The following SYCP1 variants were observed in gnomAD, a reference collection of about 807,000 sequenced individuals.
The protein encoded by SYCP1 is cancer/testis antigen 8.
SYCP1 carries 64 observed loss-of-function variants against 153.1 expected under a neutral mutation model. The observed-to-expected ratio is 0.42, with a 90% CI of 0.34 to 0.51. The LOEUF (loss-of-function observed/expected upper bound fraction) is 0.51. SYCP1 is among the 20% of genes least tolerant of loss of function. The pLI, the probability that SYCP1 is intolerant of heterozygous loss-of-function variation, is 0.06. For synonymous variants in SYCP1, 384 were observed against 341.8 expected (o/e 1.12, Z -1.36); for missense variants, 997 against 1,049.0 (o/e 0.95, Z 0.68).
chr1:114,964,274 T>G (rs945544943), intron 27 of SYCP1, among the ~76,000 whole-genome samples: 1 of 152,110 alleles, frequency 6.6e-6, no homozygotes, highest in Non-Finnish European at 1.5e-5. Flanking sequence ...TGGATACTAG[T>G]CTTTTGTCAG....
intron 13 of SYCP1, 119 bp downstream of exon 13, chr1:114,885,748 C>A (rs752636713): frequency 3.2e-4 from 191 of 599,634 alleles, no homozygotes; most frequent in Non-Finnish European, 5.1e-4. Flanking sequence ...TTAGAGAAGA[C>A]ACAATCCTAG....
intron 12 of SYCP1, among the ~76,000 whole-genome samples, chr1:114,884,058 C>A (rs1666134260): frequency 6.6e-6 from 1 of 152,100 alleles, no homozygotes; most frequent in Admixed American, 6.6e-5. Context: ...GTAGTTTTTT[C>A]AGAATGGAAT....
At chr1:114,936,554 G>A (rs553290090) in intron 23 of SYCP1, among the ~76,000 whole-genome samples, 4 of 152,128 alleles carry the variant, frequency 2.6e-5, no homozygotes, top group Non-Finnish European at 5.9e-5. Context: ...TCTGGCCAGG[G>A]CAATCAGGCA....
At chr1:114,867,236 A>T (rs929032908) in intron 8 of SYCP1, among the ~76,000 whole-genome samples, 3 of 151,984 alleles carry the variant, frequency 2.0e-5, no homozygotes, top group African/African-American at 7.2e-5. Context: ...CGCTCTTCTG[A>T]GTCTTTTGCC....
chr1:114,920,376 T>TA (rs1262326052), intron 20 of SYCP1, among the ~76,000 whole-genome samples: 4 of 152,196 alleles, frequency 2.6e-5, no homozygotes, highest in Non-Finnish European at 5.9e-5. Context: ...TTAAATGTTT[T>TA]AAGACTTGTT....
At chr1:114,967,948 G>A (rs1672244074) in intron 27 of SYCP1, among the ~76,000 whole-genome samples, 1 of 152,112 alleles carries the variant, frequency 6.6e-6, no homozygotes, top group Non-Finnish European at 1.5e-5. Flanking sequence ...GGTTAGTTTG[G>A]CTGGATATGA....
intron 30 of SYCP1, among the ~76,000 whole-genome samples, chr1:114,987,207 A>G (rs1315244680): frequency 6.6e-6 from 1 of 152,080 alleles, no homozygotes; most frequent in African/African-American, 2.4e-5. Flanking sequence ...AGAGGCTTAA[A>G]AAAGACGGGA....
At chr1:114,931,420 TTTTA>T (rs1669623753) in intron 23 of SYCP1, among the ~76,000 whole-genome samples, 1 of 152,116 alleles carries the variant, frequency 6.6e-6, no homozygotes, top group African/African-American at 2.4e-5. Flanking sequence ...CAAAAATCAA[TTTTA>T]TTTCTATATG....
chr1:114,912,177 T>C (rs1403030648), intron 18 of SYCP1, among the ~76,000 whole-genome samples: 1 of 151,990 alleles, frequency 6.6e-6, no homozygotes, highest in Non-Finnish European at 1.5e-5. Context: ...TATCTAATTC[T>C]CTATTTCTGG....
chr1:114,918,351 TTC>T (rs1668644957), intron 20 of SYCP1, among the ~76,000 whole-genome samples: 1 of 152,026 alleles, frequency 6.6e-6, no homozygotes, highest in Non-Finnish European at 1.5e-5. Flanking sequence ...TGGTCTATAT[TTC>T]TGTTTTTATG....
chr1:114,856,921 CA>C (rs758650224), intron 3 of SYCP1, among the ~76,000 whole-genome samples: 1,139 of 37,246 alleles, frequency 0.031, 15 homozygotes, highest in African/African-American at 0.094. Flanking sequence ...CCTGTCTGTA[CA>C]AAAAAAAAAA....
Position 114,858,616 on chromosome 1 carries a change from G to A in SYCP1, c.361G>A (p.Val121Ile). The A allele has an allele frequency of 6.8e-6, 11 of 1,612,910 alleles. No homozygotes were observed. Among genetic ancestry groups the A allele is most frequent in the Non-Finnish European group, 9.3e-6 (11 of 1,179,288 alleles). The stretch of plus-strand genomic sequence containing the variant: ...GGCTGAAAAGATAAAAAAATGGAAA[G>A]TAAGTACAGAAGCTGAACTGAGACA... ...KEAEKIKKWKVSTEAELRQKE... is the reference protein window; with the variant it reads ...KEAEKIKKWKISTEAELRQKE... Residue 121 changes from valine to isoleucine, a missense_variant, in exon 6 of 32, where the codon GTA (valine) becomes ATA (isoleucine). Around this residue, in one of 2 missense-constraint regions of SYCP1, gnomAD observed 285 missense variants for 366.1 expected, o/e 0.78. Transcript: ENST00000369522.
At chr1:114,885,994 G>A (rs1666270478) in intron 13 of SYCP1, 131 bp from the exon 14 acceptor site, 1 of 577,612 alleles carries the variant, frequency 1.7e-6, no homozygotes, top group Non-Finnish European at 2.9e-6. Context: ...GCATTCCAGG[G>A]TAGGAAGGAG....
intron 30 of SYCP1, among the ~76,000 whole-genome samples, chr1:114,985,500 C>T (rs1165277438): frequency 6.6e-6 from 1 of 151,770 alleles, no homozygotes; most frequent in East Asian, 1.9e-4. Context: ...AAAAGGTGAA[C>T]CATACCAGAG....
At chr1:114,955,001 CA>C (rs1369410244) in intron 27 of SYCP1, among the ~76,000 whole-genome samples, 1 of 152,102 alleles carries the variant, frequency 6.6e-6, no homozygotes, top group Non-Finnish European at 1.5e-5. Flanking sequence ...GAAAAGCATT[CA>C]ATTTTTTAAC....
chr1:114,855,308 T>C (rs1051029284), intron 1 of SYCP1, 133 bp from the exon 2 acceptor site: 4 of 484,180 alleles, frequency 8.3e-6, no homozygotes, highest in African/African-American at 8.0e-5. Flanking sequence ...GGCTCCACTG[T>C]AGCGAGAGCC....
chr1:114,906,810 T>A (rs895702490), intron 16 of SYCP1, among the ~76,000 whole-genome samples: 1 of 152,194 alleles, frequency 6.6e-6, no homozygotes, highest in Non-Finnish European at 1.5e-5. Context: ...TGTATTCTGC[T>A]ATTGTTAGGT....
rs772132445 is a variant in SYCP1 at position 114,994,732 on chromosome 1, T to C, written c.2738T>C (p.Leu913Pro). Reference sequence around the variant, plus strand: ...TCAGAAGAAGAGACATTGAAAACACTGTATAGGAACAATAATCCACCAGCT... The same window carrying C: ...TCAGAAGAAGAGACATTGAAAACACCGTATAGGAACAATAATCCACCAGCT... ...MVSEEETLKTLYRNNNPPASH... is the reference protein window; with the variant it reads ...MVSEEETLKTPYRNNNPPASH... Residue 913 changes from leucine (L) to proline (P), a missense_variant, in exon 31 of 32, where the codon CTG (leucine) becomes CCG (proline). This residue lies in a region of SYCP1 where 712 missense variants were observed against 682.9 expected (regional missense o/e 1.04). Coordinates refer to ENST00000369522, the MANE Select transcript of SYCP1 (RefSeq NM_003176.4). 10 of 1,582,138 alleles carry C rather than the reference T, an allele frequency of 6.3e-6. No homozygotes were observed. Among genetic ancestry groups the C allele is most frequent in the Non-Finnish European group, 8.6e-6 (10 of 1,169,582 alleles).
chr1:114,942,726 TGAA>T (rs562904089), intron 23 of SYCP1, among the ~76,000 whole-genome samples: 58 of 152,070 alleles, frequency 3.8e-4, no homozygotes, highest in Admixed American at 1.4e-3. Context: ...TCAAAACATT[TGAA>T]GAAGATGTGG....
Sources: allele counts gnomAD v4.1 joint callset (sites outside exome capture counted in the v4.1 genomes callset), GRCh38; gene constraint gnomAD v4.1.1; regional missense constraint gnomAD v4.1.1; transcripts MANE v1.5; gene names NCBI Gene and HGNC (gene_info 2026-07-23, HGNC 2026-07-21).